Variants in SLC9B2 observed in about 807,000 individuals in gnomAD.
The protein encoded by SLC9B2 is solute carrier family 9 member B2, also known as sodium/hydrogen exchanger 9B2.
SLC9B2 carries 39 observed loss-of-function variants against 52.2 expected under a neutral mutation model. The ratio of observed to expected loss-of-function variants is 0.75; its 90% CI spans 0.58 to 0.98. The LOEUF is 0.98. Among genes scored for constraint, SLC9B2 ranks in the 50% least tolerant of loss-of-function variants. The probability of loss-of-function intolerance (pLI) is 0.00; values close to 1 mark genes in which losing one functional copy is unlikely to be tolerated. For missense variants in SLC9B2, 626 were observed against 637.5 expected, an observed-to-expected ratio of 0.98 and a Z score of 0.19; for synonymous variants, 214 against 227.0, an observed-to-expected ratio of 0.94 and a Z score of 0.51.
chr4:103,040,183 T>C (rs1743515255), intron 9 of SLC9B2, among the ~76,000 whole-genome samples: 1 of 152,166 alleles, frequency 6.6e-6, no homozygotes, highest in Non-Finnish European at 1.5e-5. Context: ...AAATATAAAA[T>C]ATCTAAGTGT....
chr4:103,048,758 T>C, intron 6 of SLC9B2, 135 bp downstream of exon 6: 19 of 1,107,346 alleles, frequency 1.7e-5, no homozygotes, highest in Non-Finnish European at 2.4e-5. Context: ...TTAGAATATT[T>C]AAATTATGCT....
chr4:103,030,462 A>C (rs1742597527), intron 10 of SLC9B2, among the ~76,000 whole-genome samples: 1 of 151,968 alleles, frequency 6.6e-6, no homozygotes, highest in South Asian at 2.1e-4. Flanking sequence ...TACCTTGGTG[A>C]GAGGCTGGCA....
At chr4:103,020,537 T>G (rs927772299), downstream of SLC9B2, 16 of 292,108 alleles carry the variant, frequency 5.5e-5, no homozygotes, top group South Asian at 3.4e-4. Flanking sequence ...TCTGTAAAGT[T>G]AATTCCTCTA....
chr4:103,050,969 A>G (rs1241525744), intron 4 of SLC9B2, among the ~76,000 whole-genome samples: 1 of 152,198 alleles, frequency 6.6e-6, no homozygotes, highest in East Asian at 1.9e-4. Context: ...TGTATCACAC[A>G]TATAATAATG....
At chr4:103,052,081 G>A (rs1045952761) in intron 4 of SLC9B2, among the ~76,000 whole-genome samples, 2 of 152,222 alleles carry the variant, frequency 1.3e-5, no homozygotes, top group African/African-American at 4.8e-5. Context: ...TAACAAAGAG[G>A]TGAGCTAGAC....
At position 103,048,848 on chromosome 4, in the gene SLC9B2, T is replaced by C. The variant is rs757408202; in HGVS notation, c.713+45A>G. The C allele has an allele frequency of 2.5e-6, 4 of 1,604,374 alleles. No individual in the cohort carries two copies. The South Asian group carries it at 3.4e-5, about 13-fold the overall frequency. On this transcript the variant is annotated intron_variant, in intron 6 of 11. Transcript: ENST00000394785. Reference sequence around the variant, plus strand: ...TCTTGTATGCAATCAGGGAAAGCCCTAAATGTCCCTACATATTTTCATATG... The same window carrying C: ...TCTTGTATGCAATCAGGGAAAGCCCCAAATGTCCCTACATATTTTCATATG...
At position 103,057,826 on chromosome 4, in the gene SLC9B2, T is replaced by C. The variant is rs1745285134; in HGVS notation, c.417A>G (p.Thr139=). Reference sequence around the variant, plus strand: ...CAAGAAGAGAAGGCAGTGGAGGCAATGTAGGTAACTTAATAAGCCCCAAAA... The same window carrying C: ...CAAGAAGAGAAGGCAGTGGAGGCAACGTAGGTAACTTAATAAGCCCCAAAA... ...GKLLGLIKLP[T]LPPLPSLLGM... The change falls in exon 4 of 12, where the codon ACA becomes ACG. Residue 139 remains threonine (T), a synonymous_variant. Coordinates refer to ENST00000394785, the MANE Select transcript of SLC9B2 (RefSeq NM_178833.7). 1.9e-6 allele frequency: 3 copies of C among 1,613,886 alleles called. No individual in the cohort carries two copies. Among genetic ancestry groups the C allele is most frequent in the East Asian group, 2.2e-5 (1 of 44,850 alleles).
downstream of SLC9B2, among the ~76,000 whole-genome samples, chr4:103,018,068 C>T (rs1257332240): frequency 6.6e-6 from 1 of 152,198 alleles, no homozygotes; most frequent in Non-Finnish European, 1.5e-5. Context: ...ATATATTACA[C>T]TATGTTCCAG....
chr4:103,042,677 G>C (rs1341562772), intron 9 of SLC9B2, among the ~76,000 whole-genome samples: 3 of 151,076 alleles, frequency 2.0e-5, no homozygotes, highest in Non-Finnish European at 3.0e-5. Context: ...ACATAATATT[G>C]GTAAAAATAT....
chr4:103,073,947 A>T (rs933125094), intron 1 of SLC9B2, among the ~76,000 whole-genome samples: 1 of 152,172 alleles, frequency 6.6e-6, no homozygotes, highest in African/African-American at 2.4e-5. Flanking sequence ...GGTGTAAATC[A>T]ATCTCTGTAA....
In SLC9B2 at chr4:103,050,265, C is replaced by T. The variant is rs1204689424; in HGVS notation, c.560G>A (p.Arg187His). Residue 187 changes from arginine (R) to histidine (H), a missense_variant, in exon 5 of 12, where the codon CGT (arginine) becomes CAT (histidine). Arg to His is a conservative substitution (Grantham distance 29, BLOSUM62 0). Transcript: ENST00000394785. ...CTTTGAATCCAGACCAAGGCCAGCACGAACCAGAATGATAGACAGGGCTAT... is the reference window on the plus strand; with the variant it reads ...CTTTGAATCCAGACCAAGGCCAGCATGAACCAGAATGATAGACAGGGCTAT... ...RSIALSIILV[R>H]AGLGLDSKAL... The T allele has an allele frequency of 3.7e-6, 6 of 1,600,382 alleles. No homozygotes were observed. Among genetic ancestry groups the T allele is most frequent in the Non-Finnish European group, 5.1e-6 (6 of 1,174,888 alleles).
At chr4:103,077,120 T>A (rs899471099), upstream of SLC9B2, 2 of 152,240 alleles carry the variant, frequency 1.3e-5, no homozygotes, top group Non-Finnish European at 2.9e-5. Flanking sequence ...TTTCCTCTTG[T>A]GTGTGTTAAG....
At chr4:103,057,259 TATATATATATATATACAC>T (rs1276467362) in intron 4 of SLC9B2, among the ~76,000 whole-genome samples, 3 of 144,902 alleles carry the variant, frequency 2.1e-5, no homozygotes, top group African/African-American at 7.8e-5. Context: ...TATATATATA[TATATATATATATATACAC>T]ACACACACAC....
At position 103,043,436 on chromosome 4, in the gene SLC9B2, C is replaced by G. The variant is rs997814868; in HGVS notation, c.1006G>C (p.Val336Leu). 3 of 1,599,318 alleles carry G rather than the reference C, an allele frequency of 1.9e-6. No individual in the cohort carries two copies. Among genetic ancestry groups the G allele is most frequent in the African/African-American group, 2.7e-5 (2 of 74,244 alleles). The change falls in exon 9 of 12, where the codon GTG becomes CTG. Residue 336 changes from valine (V) to leucine (L), a missense_variant. Physicochemically the swap from Val to Leu is conservative, Grantham distance 32. Transcript: ENST00000394785. ...YFPSRDQDKL[V>L]CKRTFLVLGL... Reference sequence around the variant, plus strand: ...AACACAAGGAATGTTCTCTTACACACAAGTTTGTCCTTTAGGAGAAAAAAA... The same window carrying G: ...AACACAAGGAATGTTCTCTTACACAGAAGTTTGTCCTTTAGGAGAAAAAAA...
At chr4:103,046,027 G>A (rs1180048831) in intron 7 of SLC9B2, among the ~76,000 whole-genome samples, 1 of 152,164 alleles carries the variant, frequency 6.6e-6, no homozygotes, top group Non-Finnish European at 1.5e-5. Flanking sequence ...AGAAAGTAAT[G>A]TAATGAAAAC....
At chr4:103,049,469 T>C (rs1178768254) in intron 5 of SLC9B2, among the ~76,000 whole-genome samples, 1 of 152,170 alleles carries the variant, frequency 6.6e-6, no homozygotes, top group East Asian at 1.9e-4. Flanking sequence ...TTCATTCCTG[T>C]ATTCAAAAAC....
rs72943509 is a variant in SLC9B2, at chr4:103,023,330, C to T, written c.*3040G>A. 2.1e-3 allele frequency among the ~76,000 whole-genome samples: 318 copies of T among 152,332 alleles called. No individual in the cohort carries two copies. The highest frequency in any genetic ancestry group is 7.4e-3 in the African/African-American group (309 of 41,578). On this transcript the variant is annotated 3_prime_UTR_variant, in exon 12 of 12. Coordinates refer to ENST00000394785, the MANE Select transcript of SLC9B2 (RefSeq NM_178833.7). ...GTAAATAAAGTGAAAAAAAGTGTTA[C>T]ATGTGCTCTGACATAAGTATGTATA...
chr4:103,057,676 C>T lies in SLC9B2; in HGVS notation c.442+125G>A, dbSNP rs542191000. ...TACAGAACTACTCAAAATTTAACAA[C>T]TGGCTTTTGGCTCCAGCATGGCAAA... On this transcript the variant is annotated intron_variant, in intron 4 of 11. Transcript: ENST00000394785. 3.9e-6 allele frequency: 4 copies of T among 1,031,708 alleles called. No individual in the cohort carries two copies. In the African/African-American group the frequency reaches 5.0e-5, roughly 13 times the overall value. The allele number at this position is 1,031,708 out of a possible 1,614,324, so 63.9% of individuals were successfully genotyped here.
At chr4:103,020,467 G>A, downstream of SLC9B2, 1 of 374,948 alleles carries the variant, frequency 2.7e-6, no homozygotes, top group East Asian at 7.5e-5. Context: ...CCTATCTAAT[G>A]TTTCTCCTGA....
Sources: gnomAD v4.1 joint callset for allele counts (sites outside exome capture counted in the v4.1 genomes callset) on GRCh38, gnomAD v4.1.1 for gene constraint, MANE v1.5 for transcripts, NCBI Gene and HGNC (gene_info 2026-07-23, HGNC 2026-07-21) for gene names.